Variants in GUCY1A1 observed in about 807,000 individuals in gnomAD.
GUCY1A1 encodes the protein guanylate cyclase soluble subunit alpha-1.
GUCY1A1 carries 48 observed loss-of-function variants against 64.5 expected under a neutral mutation model. The observed-to-expected ratio is 0.74, with a 90% CI of 0.59 to 0.95. GUCY1A1 has a LOEUF of 0.95. Ranked by LOEUF, GUCY1A1 falls within the 40% of genes least tolerant of loss-of-function variation. The pLI, the probability that GUCY1A1 is intolerant of heterozygous loss-of-function variation, is 0.00. For synonymous variants in GUCY1A1, 308 were observed against 303.4 expected (o/e 1.02, Z -0.16); for missense variants, 804 against 825.3 (o/e 0.97, Z 0.32).
At chr4:155,667,601 G>T (rs1177195988) in intron 2 of GUCY1A1, 182 bp downstream of exon 2, 1 of 152,164 alleles carries the variant, frequency 6.6e-6, no homozygotes, top group Non-Finnish European at 1.5e-5. Flanking sequence ...GAGGAAAGGA[G>T]AGGACGCCCG....
intron 2 of GUCY1A1, among the ~76,000 whole-genome samples, chr4:155,685,594 TCTC>T (rs1728874412): frequency 7.0e-6 from 1 of 143,170 alleles, no homozygotes; most frequent in Non-Finnish European, 1.5e-5. Flanking sequence ...CTGTTCTTGT[TCTC>T]CTTGTGTTTT....
intron 2 of GUCY1A1, among the ~76,000 whole-genome samples, chr4:155,685,536 C>T (rs1728865237): frequency 6.6e-6 from 1 of 151,902 alleles, no homozygotes; most frequent in Non-Finnish European, 1.5e-5. Context: ...CAGCCCTGCT[C>T]CAGCTTCCGC....
rs747125620 is a variant in GUCY1A1 at position 155,710,878 on chromosome 4, C to A, written c.713C>A (p.Pro238His). The A allele has an allele frequency of 1.2e-6, 2 of 1,613,564 alleles. No homozygotes were observed. The highest frequency in any genetic ancestry group is 1.1e-5 in the South Asian group (1 of 91,078). Residue 238 changes from proline (P) to histidine (H), a missense_variant, in exon 6 of 10, where the codon CCC becomes CAC. Transcript: ENST00000506455. ...ETEVEVSLMP[P>H]CFHNDCSEFV... The stretch of plus-strand genomic sequence containing the variant: ...GAAGTGGAAGTGTCGTTAATGCCTC[C>A]CTGCTTCCATAATGATTGCAGCGAG...
intron 4 of GUCY1A1, among the ~76,000 whole-genome samples, chr4:155,705,047 C>G (rs1190458136): frequency 6.6e-6 from 1 of 152,150 alleles, no homozygotes; most frequent in Admixed American, 6.5e-5. Flanking sequence ...CCATGCTCAC[C>G]TAATTTTTGT....
intron 2 of GUCY1A1, among the ~76,000 whole-genome samples, chr4:155,676,566 T>G (rs1023275519): frequency 6.6e-6 from 1 of 151,560 alleles, no homozygotes; most frequent in Non-Finnish European, 1.5e-5. Context: ...TTCACTGTCC[T>G]TGATAAATAC....
intron 7 of GUCY1A1, among the ~76,000 whole-genome samples, chr4:155,714,012 T>C (rs934516590): frequency 3.3e-5 from 5 of 152,086 alleles, no homozygotes; most frequent in African/African-American, 9.7e-5. Context: ...TCTGTAAGAG[T>C]AAAGACACAT....
chr4:155,692,860 A>T (rs1579042934), intron 2 of GUCY1A1, among the ~76,000 whole-genome samples: 2 of 152,072 alleles, frequency 1.3e-5, no homozygotes, highest in East Asian at 3.9e-4. Flanking sequence ...GGAGTTCGAG[A>T]CCAGCCTGGC....
At chr4:155,701,207 A>G (rs999579585) in intron 3 of GUCY1A1, among the ~76,000 whole-genome samples, 4 of 152,236 alleles carry the variant, frequency 2.6e-5, no homozygotes, top group Non-Finnish European at 5.9e-5. Flanking sequence ...ATTTTCCAGA[A>G]GAGCAATGGT....
In GUCY1A1 at chr4:155,706,654, G is replaced by GGTGT. The variant is rs138575852; in HGVS notation, c.318-1565_318-1562dup. On this transcript the variant is annotated intron_variant, in intron 4 of 9. Coordinates refer to ENST00000506455, the MANE Select transcript of GUCY1A1 (RefSeq NM_001130682.3). ...ATCATTATATGTATGAACTCATGCTGGTGTGTGTGTGTGTGTGTGTATTTG... is the reference window on the plus strand; with the variant it reads ...ATCATTATATGTATGAACTCATGCTGGTGTGTGTGTGTGTGTGTGTGTGTATTTG... Among the ~76,000 whole-genome samples the GGTGT allele has an allele frequency of 1.9e-4, 29 of 149,812 alleles. No individual in the cohort carries two copies. In the South Asian group the frequency reaches 2.5e-3, roughly 13 times the overall value.
intron 5 of GUCY1A1, 149 bp from the exon 6 acceptor site, chr4:155,710,393 T>C (rs1169109381): frequency 3.5e-6 from 2 of 572,086 alleles, no homozygotes; most frequent in Non-Finnish European, 6.2e-6. Flanking sequence ...ATAATTTGGA[T>C]ATAGGGGTTT....
At chr4:155,691,433 A>G (rs1254759095) in intron 2 of GUCY1A1, among the ~76,000 whole-genome samples, 4 of 152,226 alleles carry the variant, frequency 2.6e-5, no homozygotes, top group Non-Finnish European at 2.9e-5. Flanking sequence ...ATGGGATTTT[A>G]TGTAATATTT....
intron 3 of GUCY1A1, among the ~76,000 whole-genome samples, chr4:155,701,716 A>G (rs1731104816): frequency 6.6e-6 from 1 of 151,578 alleles, no homozygotes; most frequent in Non-Finnish European, 1.5e-5. Context: ...AGGCAAGAGG[A>G]TCACTGGAGC....
At chr4:155,697,569 T>G (rs1378941235) in intron 3 of GUCY1A1, among the ~76,000 whole-genome samples, 4 of 152,166 alleles carry the variant, frequency 2.6e-5, no homozygotes, top group Non-Finnish European at 5.9e-5. Context: ...CTGCTCAAAT[T>G]TTCTCTCCTA....
At chr4:155,689,483 A>G (rs991713886) in intron 2 of GUCY1A1, among the ~76,000 whole-genome samples, 2 of 152,176 alleles carry the variant, frequency 1.3e-5, no homozygotes, top group African/African-American at 4.8e-5. Context: ...GAGTTTTTAA[A>G]ATATATTTTA....
rs59517530 is a variant in GUCY1A1, at chr4:155,680,460, A to ATGTGTGTG, written c.-113+13058_-113+13065dup. Among the ~76,000 whole-genome samples, 928 of 149,624 alleles carry ATGTGTGTG rather than the reference A, an allele frequency of 6.2e-3. 6 individuals are homozygous for ATGTGTGTG. The highest frequency in any genetic ancestry group is 9.2e-3 in the Non-Finnish European group (619 of 67,446). The stretch of plus-strand genomic sequence containing the variant: ...TTCCTACATGAACAATTTTAAGTAT[A>ATGTGTGTG]TGTGTGTGTGTGTGTGTGTGTGTGC... On this transcript the variant is annotated intron_variant, in intron 2 of 9. Coordinates refer to ENST00000506455, the MANE Select transcript of GUCY1A1 (RefSeq NM_001130682.3).
intron 5 of GUCY1A1, among the ~76,000 whole-genome samples, chr4:155,709,416 T>C (rs1389592826): frequency 6.6e-6 from 1 of 152,242 alleles, no homozygotes; most frequent in African/African-American, 2.4e-5. Context: ...ACCTATAACA[T>C]TTATATTTTC....
At chr4:155,694,101 T>C (rs1471268420) in intron 2 of GUCY1A1, among the ~76,000 whole-genome samples, 1 of 152,246 alleles carries the variant, frequency 6.6e-6, no homozygotes, top group Non-Finnish European at 1.5e-5. Context: ...TTATTGTAGT[T>C]AGATTTTGAT....
intron 7 of GUCY1A1, among the ~76,000 whole-genome samples, chr4:155,714,862 T>C (rs940320817): frequency 2.6e-5 from 4 of 152,214 alleles, no homozygotes; most frequent in Non-Finnish European, 5.9e-5. Context: ...TTAAGTTTGA[T>C]GGCCTCTTGT....
At chr4:155,721,743 G>A (rs1019766012) in intron 8 of GUCY1A1, among the ~76,000 whole-genome samples, 3 of 152,086 alleles carry the variant, frequency 2.0e-5, no homozygotes, top group African/African-American at 4.8e-5. Context: ...TGTTGCTGTG[G>A]TTACTATGAT....
Sources: allele counts gnomAD v4.1 joint callset (sites outside exome capture counted in the v4.1 genomes callset), GRCh38; gene constraint gnomAD v4.1.1; transcripts MANE v1.5; gene names NCBI Gene and HGNC (gene_info 2026-07-23, HGNC 2026-07-21).